CNTN4: variants seen among roughly 807,000 people sequenced by gnomAD.
The protein encoded by CNTN4 is contactin 4, also known as contactin-4.
Under a neutral mutation model 122.5 loss-of-function variants are expected in CNTN4, and 77 were observed. That is an observed-to-expected ratio of 0.63 (90% CI 0.52 to 0.76). The LOEUF (loss-of-function observed/expected upper bound fraction) is 0.76, where lower values mean the gene tolerates loss of function less well. CNTN4 is among the 30% of genes least tolerant of loss of function. The pLI, the probability that CNTN4 is intolerant of heterozygous loss-of-function variation, is 0.00. For synonymous variants in CNTN4, 512 were observed against 447.0 expected (o/e 1.15, Z -1.83); for missense variants, 1,256 against 1,259.1 (o/e 1.00, Z 0.04).
At chr3:2,952,924 A>G (rs933910159) in intron 13 of CNTN4, among the ~76,000 whole-genome samples, 5 of 152,218 alleles carry the variant, frequency 3.3e-5, no homozygotes, top group African/African-American at 1.2e-4. Flanking sequence ...GGTATTTTAC[A>G]TATACTGTAC....
At chr3:2,398,561 A>G (rs1330517982) in intron 3 of CNTN4, among the ~76,000 whole-genome samples, 1 of 152,186 alleles carries the variant, frequency 6.6e-6, no homozygotes, top group African/African-American at 2.4e-5. Flanking sequence ...TAAGTTTACT[A>G]TGGACAGGTT....
chr3:2,205,429 A>G (rs1238300320), intron 2 of CNTN4, among the ~76,000 whole-genome samples: 1 of 151,734 alleles, frequency 6.6e-6, no homozygotes, highest in Non-Finnish European at 1.5e-5. Flanking sequence ...TTCTTTGAAT[A>G]TTTTGGGAGT....
intron 3 of CNTN4, among the ~76,000 whole-genome samples, chr3:2,505,189 T>A (rs2076700073): frequency 6.6e-6 from 1 of 152,208 alleles, no homozygotes; most frequent in Non-Finnish European, 1.5e-5. Flanking sequence ...TGACAAAGTG[T>A]CATGATGTCT....
At chr3:2,192,586 A>G (rs1050910982) in intron 2 of CNTN4, among the ~76,000 whole-genome samples, 3 of 151,818 alleles carry the variant, frequency 2.0e-5, no homozygotes, top group Non-Finnish European at 4.4e-5. Flanking sequence ...AAACAAATTT[A>G]CAAGAAAAAA....
intron 3 of CNTN4, among the ~76,000 whole-genome samples, chr3:2,389,115 C>T (rs777682019): frequency 7.9e-5 from 12 of 151,970 alleles, no homozygotes; most frequent in South Asian, 4.1e-4. Context: ...GAGCTGAGAT[C>T]GCACCACTGC....
At chr3:2,537,218 A>G (rs2077846211) in intron 3 of CNTN4, among the ~76,000 whole-genome samples, 1 of 152,148 alleles carries the variant, frequency 6.6e-6, no homozygotes, top group African/African-American at 2.4e-5. Context: ...TCACACAGAC[A>G]GTTGGAATAC....
intron 2 of CNTN4, among the ~76,000 whole-genome samples, chr3:2,177,122 G>C (rs1410641299): frequency 1.3e-5 from 2 of 152,090 alleles, no homozygotes; most frequent in Non-Finnish European, 2.9e-5. Flanking sequence ...ATACTAGACC[G>C]TGTATCCATT....
At chr3:2,562,464 A>G (rs562291661) in intron 3 of CNTN4, among the ~76,000 whole-genome samples, 1 of 152,254 alleles carries the variant, frequency 6.6e-6, no homozygotes, top group South Asian at 2.1e-4. Flanking sequence ...TCCCACTTGT[A>G]AGTGAGATCA....
chr3:2,951,083 A>G (rs115947207), intron 13 of CNTN4, among the ~76,000 whole-genome samples: 256 of 152,330 alleles, frequency 1.7e-3, no homozygotes, highest in African/African-American at 6.0e-3. Context: ...AAAGGGTTAT[A>G]TGAGGTAACC....
At chr3:3,014,617 G>A (rs1335282059) in intron 14 of CNTN4, among the ~76,000 whole-genome samples, 1 of 151,670 alleles carries the variant, frequency 6.6e-6, no homozygotes, top group Non-Finnish European at 1.5e-5. Context: ...TGTCTTTGTG[G>A]AGTAGAGGAT....
chr3:2,915,466 T>G (rs1024065918), intron 12 of CNTN4, among the ~76,000 whole-genome samples: 18 of 152,230 alleles, frequency 1.2e-4, no homozygotes, highest in Non-Finnish European at 2.4e-4. Context: ...CTTCTTTCCT[T>G]TCCAATTTGG....
intron 16 of CNTN4, among the ~76,000 whole-genome samples, chr3:3,032,916 G>T (rs986571571): frequency 1.3e-5 from 2 of 152,184 alleles, no homozygotes; most frequent in East Asian, 3.9e-4. Context: ...GCTATGCATC[G>T]GTAGGAGAGG....
intron 3 of CNTN4, among the ~76,000 whole-genome samples, chr3:2,568,295 G>A (rs2079263885): frequency 9.3e-6 from 1 of 107,328 alleles, no homozygotes; most frequent in South Asian, 3.5e-4. Context: ...GTTGAGGGAA[G>A]TTTTGTTCTG....
chr3:2,973,423 C>G (rs146103279), intron 13 of CNTN4, among the ~76,000 whole-genome samples: 1 of 152,020 alleles, frequency 6.6e-6, no homozygotes, highest in Admixed American at 6.6e-5. Context: ...ACACTGATTT[C>G]TCTATTCAGT....
chr3:2,918,826 G>A (rs1258062060), intron 12 of CNTN4, among the ~76,000 whole-genome samples: 2 of 152,168 alleles, frequency 1.3e-5, no homozygotes, highest in African/African-American at 4.8e-5. Context: ...ACACAGGACT[G>A]GAAGTTCACG....
At chr3:2,592,538 T>C (rs1004632662) in intron 4 of CNTN4, among the ~76,000 whole-genome samples, 3 of 152,252 alleles carry the variant, frequency 2.0e-5, no homozygotes, top group South Asian at 2.1e-4. Flanking sequence ...TGATAGTGAA[T>C]GGGTCTCATG....
chr3:2,810,036 T>A (rs147287542), intron 6 of CNTN4, among the ~76,000 whole-genome samples: 1 of 152,300 alleles, frequency 6.6e-6, no homozygotes, highest in East Asian at 1.9e-4. Context: ...GGTGAAAAAC[T>A]GTGAGAGTCT....
intron 3 of CNTN4, among the ~76,000 whole-genome samples, chr3:2,542,549 G>A (rs1057135481): frequency 3.3e-5 from 5 of 152,196 alleles, no homozygotes; most frequent in East Asian, 1.9e-4. Flanking sequence ...CCTAGCAACC[G>A]CTGATATAGT....
intron 13 of CNTN4, among the ~76,000 whole-genome samples, chr3:2,959,412 A>G (rs7625065): frequency 0.18 from 26,955 of 152,076 alleles, 2,622 homozygotes; most frequent in East Asian, 0.41. Flanking sequence ...ATAAGACCAT[A>G]AAGTCTTTAA....
Sources: gnomAD v4.1 joint callset for allele counts (sites outside exome capture counted in the v4.1 genomes callset) on GRCh38, gnomAD v4.1.1 for gene constraint, MANE v1.5 for transcripts, NCBI Gene and HGNC (gene_info 2026-07-23, HGNC 2026-07-21) for gene names.